Variants in ZPBP observed in about 807,000 individuals in gnomAD.
ZPBP encodes zona pellucida-binding protein 1.
A neutral mutation model predicts 44.8 loss-of-function variants in ZPBP; 26 were observed. That is an observed-to-expected ratio of 0.58 (90% CI 0.43 to 0.81). ZPBP has a LOEUF of 0.81. ZPBP is among the 30% of genes least tolerant of loss of function. The pLI, the probability that ZPBP is intolerant of heterozygous loss-of-function variation, is 0.00. For synonymous variants in ZPBP, 174 were observed against 153.2 expected, an observed-to-expected ratio of 1.14 and a Z score of -1.00; for missense variants, 409 against 434.0, an observed-to-expected ratio of 0.94 and a Z score of 0.51.
chr7:50,007,845 A>G (rs1045051606), intron 6 of ZPBP, among the ~76,000 whole-genome samples: 1 of 151,950 alleles, frequency 6.6e-6, no homozygotes, highest in African/African-American at 2.4e-5. Flanking sequence ...CACTAAAAAA[A>G]CTTCAGAATA....
intron 6 of ZPBP, among the ~76,000 whole-genome samples, chr7:50,006,435 C>T (rs1262384811): frequency 3.3e-5 from 5 of 152,004 alleles, no homozygotes; most frequent in East Asian, 1.9e-4. Flanking sequence ...ATCAATTTTC[C>T]GTTTCTAATT....
chr7:50,051,751 C>G (rs968597766), intron 4 of ZPBP, among the ~76,000 whole-genome samples: 2 of 151,954 alleles, frequency 1.3e-5, no homozygotes, highest in Non-Finnish European at 2.9e-5. Context: ...TAAGTGGGAG[C>G]TGAACAATGA....
chr7:49,849,577 C>T (rs886746275), downstream of ZPBP, among the ~76,000 whole-genome samples: 1 of 152,230 alleles, frequency 6.6e-6, no homozygotes, highest in Admixed American at 6.5e-5. Context: ...CACACGCTGC[C>T]TCTTTTTGTT....
At chr7:49,896,112 G>T (rs1397867675) in intron 2 of ZPBP, among the ~76,000 whole-genome samples, 1 of 152,188 alleles carries the variant, frequency 6.6e-6, no homozygotes, top group Non-Finnish European at 1.5e-5. Context: ...AGGCCAAAGT[G>T]GGTGGATCAC....
chr7:49,848,855 G>A (rs150259595), downstream of ZPBP, among the ~76,000 whole-genome samples: 177 of 152,266 alleles, frequency 1.2e-3, 1 homozygote, highest in East Asian at 0.023. Flanking sequence ...ATTACATTGT[G>A]TCTAATTCAG....
intron 6 of ZPBP, among the ~76,000 whole-genome samples, chr7:49,996,284 T>A (rs1415476359): frequency 6.6e-6 from 1 of 152,154 alleles, no homozygotes. Flanking sequence ...TCTGTTCCAA[T>A]TATGCAACTG....
At chr7:50,060,189 G>C (rs1801174830) in intron 3 of ZPBP, among the ~76,000 whole-genome samples, 1 of 151,026 alleles carries the variant, frequency 6.6e-6, no homozygotes, top group African/African-American at 2.5e-5. Flanking sequence ...GGCTGGCAAG[G>C]GAGAGATTCT....
At chr7:49,975,053 A>G (rs1395377886) in intron 7 of ZPBP, among the ~76,000 whole-genome samples, 2 of 152,064 alleles carry the variant, frequency 1.3e-5, no homozygotes, top group East Asian at 3.9e-4. Context: ...AGTGGGGACA[A>G]TAAGTTAAGT....
intron 6 of ZPBP, among the ~76,000 whole-genome samples, chr7:50,016,230 A>T (rs1341051949): frequency 6.6e-6 from 1 of 152,236 alleles, no homozygotes; most frequent in Non-Finnish European, 1.5e-5. Context: ...CTATGCAGCC[A>T]TAAAAAAGAA....
chr7:50,031,752 C>A (rs1584083436), intron 4 of ZPBP, among the ~76,000 whole-genome samples: 1 of 151,824 alleles, frequency 6.6e-6, no homozygotes. Flanking sequence ...TAATTATGAA[C>A]AATATTCAAA....
At chr7:50,075,047 A>C (rs1465921534) in intron 3 of ZPBP, among the ~76,000 whole-genome samples, 1 of 152,016 alleles carries the variant, frequency 6.6e-6, no homozygotes, top group Non-Finnish European at 1.5e-5. Flanking sequence ...AACACTTTTT[A>C]AAAACTGAAA....
intron 5 of ZPBP, among the ~76,000 whole-genome samples, chr7:50,022,144 T>C (rs183340029): frequency 1.3e-5 from 2 of 152,208 alleles, no homozygotes; most frequent in East Asian, 3.9e-4. Context: ...AATCAACAGC[T>C]GATGAAGAAT....
At chr7:50,018,809 A>C (rs928105591) in intron 5 of ZPBP, among the ~76,000 whole-genome samples, 2 of 152,020 alleles carry the variant, frequency 1.3e-5, no homozygotes, top group African/African-American at 4.8e-5. Context: ...AAAATGATGA[A>C]TATTTACATT....
At chr7:49,879,128 C>T (rs1791567359) in intron 2 of ZPBP, among the ~76,000 whole-genome samples, 1 of 152,126 alleles carries the variant, frequency 6.6e-6, no homozygotes, top group African/African-American at 2.4e-5. Context: ...TCTCCACTGC[C>T]TTCTTAATGT....
At chr7:49,865,031 A>G (rs1790821037) in intron 2 of ZPBP, among the ~76,000 whole-genome samples, 1 of 152,204 alleles carries the variant, frequency 6.6e-6, no homozygotes, top group Non-Finnish European at 1.5e-5. Context: ...ATATCCCTCT[A>G]TATTTATTCT....
chr7:50,013,524 G>T (rs1016396375), intron 6 of ZPBP, among the ~76,000 whole-genome samples: 4 of 151,870 alleles, frequency 2.6e-5, no homozygotes, highest in African/African-American at 9.7e-5. Context: ...GGTAATAATA[G>T]TCTATTTTGA....
chr7:50,091,964 G>C (rs958262295), intron 1 of ZPBP, among the ~76,000 whole-genome samples: 2 of 152,118 alleles, frequency 1.3e-5, no homozygotes, highest in African/African-American at 4.8e-5. Flanking sequence ...TTTCTTATAT[G>C]TAAAATGGGA....
the ZPBP span, among the ~76,000 whole-genome samples, chr7:49,844,272 C>T: frequency 6.6e-6 from 1 of 152,142 alleles, no homozygotes; most frequent in Admixed American, 6.5e-5. Flanking sequence ...GGCGTCGATT[C>T]TATCCTCTCA....
At chr7:49,982,145 AAT>A (rs1229095437) in intron 7 of ZPBP, among the ~76,000 whole-genome samples, 1 of 95,710 alleles carries the variant, frequency 1.0e-5, no homozygotes, top group East Asian at 2.6e-4. Context: ...ATTTATATAA[AAT>A]ATATAATATA....
Sources: gnomAD v4.1 joint callset for allele counts (sites outside exome capture counted in the v4.1 genomes callset) on GRCh38, gnomAD v4.1.1 for gene constraint, MANE v1.5 for transcripts, NCBI Gene and HGNC (gene_info 2026-07-23, HGNC 2026-07-21) for gene names.